Variants in CELF4 observed in about 807,000 individuals in gnomAD.
CELF4 encodes CUGBP Elav-like family member 4.
In CELF4, 18 loss-of-function variants were observed where a neutral mutation model predicts 59.9. The observed-to-expected ratio is 0.30, with a 90% CI of 0.21 to 0.45. The LOEUF (loss-of-function observed/expected upper bound fraction) is 0.45. Among genes scored for constraint, CELF4 ranks in the 20% least tolerant of loss-of-function variants. The pLI is 1.00. For missense variants in CELF4, 456 were observed against 689.0 expected, an observed-to-expected ratio of 0.66 and a Z score of 3.79; for synonymous variants, 261 against 267.1, an observed-to-expected ratio of 0.98 and a Z score of 0.22.
At chr18:37,551,047 TG>T (rs1214145562) in intron 1 of CELF4, among the ~76,000 whole-genome samples, 12 of 152,060 alleles carry the variant, frequency 7.9e-5, no homozygotes, top group African/African-American at 2.4e-4. Flanking sequence ...TTTGGTGGCC[TG>T]GGGGTTGGGG....
intron 3 of CELF4, among the ~76,000 whole-genome samples, chr18:37,298,448 G>A (rs1010029741): frequency 2.6e-5 from 4 of 152,080 alleles, no homozygotes; most frequent in African/African-American, 4.8e-5. Context: ...GGCTGGGTGC[G>A]GTGGCTCACA....
intron 2 of CELF4, among the ~76,000 whole-genome samples, chr18:37,367,958 G>A (rs1380896954): frequency 6.6e-6 from 1 of 152,056 alleles, no homozygotes; most frequent in Admixed American, 6.6e-5. Flanking sequence ...AGCAGAGTCA[G>A]GGGGAGGGTG....
intron 2 of CELF4, among the ~76,000 whole-genome samples, chr18:37,401,220 C>T (rs2099322566): frequency 6.6e-6 from 1 of 152,226 alleles, no homozygotes; most frequent in African/African-American, 2.4e-5. Context: ...AAGCGACGGA[C>T]ATGGAGATGT....
intron 1 of CELF4, among the ~76,000 whole-genome samples, chr18:37,543,456 T>C (rs2099979168): frequency 6.6e-6 from 1 of 152,190 alleles, no homozygotes; most frequent in Non-Finnish European, 1.5e-5. Flanking sequence ...TTACTTTTGC[T>C]TGGGCATGGC....
At chr18:37,320,733 G>A (rs1336400118) in intron 3 of CELF4, among the ~76,000 whole-genome samples, 4 of 152,202 alleles carry the variant, frequency 2.6e-5, no homozygotes, top group Non-Finnish European at 4.4e-5. Flanking sequence ...GAGGCTCAGT[G>A]TGAGTGCCGG....
intron 2 of CELF4, among the ~76,000 whole-genome samples, chr18:37,343,243 C>T (rs1053791745): frequency 6.6e-6 from 1 of 151,878 alleles, no homozygotes; most frequent in African/African-American, 2.4e-5. Context: ...ATGACTGCGT[C>T]TGTGTCCCTG....
intron 2 of CELF4, among the ~76,000 whole-genome samples, chr18:37,382,542 G>GT (rs1170501018): frequency 6.6e-6 from 1 of 152,184 alleles, no homozygotes; most frequent in East Asian, 1.9e-4. Flanking sequence ...CAGAGCCCCT[G>GT]TTTACCCCTT....
chr18:37,531,088 C>T (rs560350053), intron 1 of CELF4, among the ~76,000 whole-genome samples: 1 of 152,162 alleles, frequency 6.6e-6, no homozygotes, highest in South Asian at 2.1e-4. Context: ...AGGTCACAGG[C>T]TTGTCGGTGG....
intron 3 of CELF4, among the ~76,000 whole-genome samples, chr18:37,314,896 C>T (rs778984655): frequency 2.6e-5 from 4 of 152,126 alleles, no homozygotes; most frequent in African/African-American, 4.8e-5. Flanking sequence ...GGGAGAGACT[C>T]GGGAGCCTCT....
At chr18:37,479,340 C>T (rs2099859619) in intron 2 of CELF4, among the ~76,000 whole-genome samples, 1 of 152,212 alleles carries the variant, frequency 6.6e-6, no homozygotes, top group African/African-American at 2.4e-5. Context: ...CCACCTTCTA[C>T]CCACCCTAGG....
chr18:37,268,266 T>C (rs956813954), intron 8 of CELF4, among the ~76,000 whole-genome samples: 1 of 152,132 alleles, frequency 6.6e-6, no homozygotes, highest in Admixed American at 6.5e-5. Flanking sequence ...GTCCCTCTAT[T>C]TCCCCCATGG....
At chr18:37,511,193 T>C (rs1347645360) in intron 1 of CELF4, among the ~76,000 whole-genome samples, 1 of 152,186 alleles carries the variant, frequency 6.6e-6, no homozygotes, top group Non-Finnish European at 1.5e-5. Flanking sequence ...AAACCTTGCA[T>C]GTCCTTAGTT....
intron 2 of CELF4, among the ~76,000 whole-genome samples, chr18:37,391,639 C>T (rs577689901): frequency 1.1e-4 from 16 of 152,314 alleles, no homozygotes; most frequent in Middle Eastern, 3.4e-3. Context: ...CATGGCATGG[C>T]GACCAGGTCA....
intron 3 of CELF4, among the ~76,000 whole-genome samples, chr18:37,286,785 C>T (rs1473796606): frequency 2.6e-5 from 4 of 152,062 alleles, no homozygotes; most frequent in East Asian, 1.9e-4. Context: ...AACACTGTGC[C>T]GAGAACCTCT....
At chr18:37,376,583 G>A in intron 2 of CELF4, among the ~76,000 whole-genome samples, 1 of 152,242 alleles carries the variant, frequency 6.6e-6, no homozygotes, top group East Asian at 1.9e-4. Flanking sequence ...ACCCCAGGAA[G>A]GCCCCCCTCC....
chr18:37,298,064 A>G (rs2095772524), intron 3 of CELF4, among the ~76,000 whole-genome samples: 1 of 152,236 alleles, frequency 6.6e-6, no homozygotes, highest in Non-Finnish European at 1.5e-5. Context: ...TGCTGGCCTC[A>G]GCTCCACGAA....
In CELF4 at chr18:37,470,016, T is replaced by C. The variant is rs1415796385; in HGVS notation, c.369+15509A>G. On this transcript the variant is annotated intron_variant, in intron 2 of 12. Coordinates refer to ENST00000420428, the MANE Select transcript of CELF4 (RefSeq NM_020180.4). ...AGGGTTCAAGCCCATCAGGAAAGGCTTTCTGCAAGAACTATGACCCTCTGT... is the reference window on the plus strand; with the variant it reads ...AGGGTTCAAGCCCATCAGGAAAGGCCTTCTGCAAGAACTATGACCCTCTGT... Among the ~76,000 whole-genome samples the C allele has an allele frequency of 2.6e-5, 4 of 152,228 alleles. No homozygotes were observed. In the East Asian group the frequency reaches 7.7e-4, roughly 29 times the overall value.
At chr18:37,519,107 C>T (rs1307704121) in intron 1 of CELF4, among the ~76,000 whole-genome samples, 2 of 150,348 alleles carry the variant, frequency 1.3e-5, no homozygotes, top group African/African-American at 4.8e-5. Context: ...GACAGATGGG[C>T]AGCCTCCAAG....
chr18:37,321,954 G>A (rs996797643), intron 2 of CELF4, 73 bp from the exon 3 acceptor site: 1 of 1,256,548 alleles, frequency 8.0e-7, no homozygotes, highest in East Asian at 2.4e-5. Flanking sequence ...GCACTCAGGT[G>A]CACAGGTGAA....
Sources: allele counts gnomAD v4.1 joint callset (sites outside exome capture counted in the v4.1 genomes callset), GRCh38; gene constraint gnomAD v4.1.1; transcripts MANE v1.5; gene names NCBI Gene and HGNC (gene_info 2026-07-23, HGNC 2026-07-21).